The following RAB5A variants were observed in gnomAD, a reference collection of about 807,000 sequenced individuals.
RAB5A encodes the protein ras-related protein Rab-5A.
Under a neutral mutation model 25.7 loss-of-function variants are expected in RAB5A, and 8 were observed. That is an observed-to-expected ratio of 0.31 (90% CI 0.18 to 0.56). RAB5A has a LOEUF of 0.56. Among genes scored for constraint, RAB5A ranks in the 20% least tolerant of loss-of-function variants. The probability of loss-of-function intolerance (pLI) is 0.91; values close to 1 mark genes in which losing one functional copy is unlikely to be tolerated. For synonymous variants in RAB5A, 98 were observed against 89.8 expected, an observed-to-expected ratio of 1.09 and a Z score of -0.52; for missense variants, 192 against 259.7, an observed-to-expected ratio of 0.74 and a Z score of 1.79.
At chr3:19,958,543 C>T (rs1559487044) in intron 2 of RAB5A, among the ~76,000 whole-genome samples, 1 of 152,116 alleles carries the variant, frequency 6.6e-6, no homozygotes, top group East Asian at 1.9e-4. Context: ...GTATTGAACT[C>T]TAGGTAAGGA....
chr3:19,960,945 T>G (rs1157939143), intron 2 of RAB5A, among the ~76,000 whole-genome samples: 1 of 152,222 alleles, frequency 6.6e-6, no homozygotes, highest in Non-Finnish European at 1.5e-5. Flanking sequence ...TCAGACACCT[T>G]CAGCTTTTCT....
At chr3:19,963,845 C>T (rs1575071229) in intron 2 of RAB5A, among the ~76,000 whole-genome samples, 2 of 152,214 alleles carry the variant, frequency 1.3e-5, no homozygotes, top group Non-Finnish European at 1.5e-5. Context: ...TGCTATGTTG[C>T]CCAGGCTGGT....
Position 19,983,847 on chromosome 3 carries a change from A to G in RAB5A, c.*24A>G, listed in dbSNP as rs772325573. The G allele has an allele frequency of 1.4e-5, 20 of 1,436,926 alleles. No homozygotes were observed. Among genetic ancestry groups the G allele is most frequent in the Non-Finnish European group, 1.9e-5 (19 of 1,025,886 alleles). 89.0% of individuals were successfully genotyped at this position (1,436,926 alleles called of 1,614,324 possible). On this transcript the variant is annotated 3_prime_UTR_variant, in exon 6 of 6. Transcript: ENST00000273047. ...AAACCTCTAGTTTGAACTAGCTGGA[A>G]TAGTCTTCTGCTTCCTAAATGTTAA...
intron 2 of RAB5A, among the ~76,000 whole-genome samples, chr3:19,961,063 C>T (rs1415130858): frequency 6.6e-6 from 1 of 152,150 alleles, no homozygotes; most frequent in Non-Finnish European, 1.5e-5. Flanking sequence ...ATTTTCTCCT[C>T]TATTGCATTC....
chr3:19,955,057 T>C (rs1022125304), intron 2 of RAB5A, among the ~76,000 whole-genome samples: 4 of 152,162 alleles, frequency 2.6e-5, no homozygotes, highest in Non-Finnish European at 5.9e-5. Flanking sequence ...TGGTACTGCA[T>C]CTCTAGGCTT....
At chr3:19,955,019 G>T (rs1696479658) in intron 2 of RAB5A, among the ~76,000 whole-genome samples, 2 of 152,148 alleles carry the variant, frequency 1.3e-5, no homozygotes, top group African/African-American at 4.8e-5. Flanking sequence ...GGAGCAGTAG[G>T]CTCAGAGAGT....
chr3:19,975,448 C>T (rs1379467830), intron 2 of RAB5A, 153 bp from the exon 3 acceptor site: 4 of 626,838 alleles, frequency 6.4e-6, no homozygotes, highest in African/African-American at 3.8e-5. Context: ...TTTTTTTCCC[C>T]CCTCATTTAT....
intron 2 of RAB5A, among the ~76,000 whole-genome samples, chr3:19,958,606 G>A (rs1056538759): frequency 1.3e-5 from 2 of 152,200 alleles, no homozygotes; most frequent in African/African-American, 4.8e-5. Context: ...CACTTTGGAA[G>A]GCCGAGGCAG....
intron 5 of RAB5A, among the ~76,000 whole-genome samples, chr3:19,979,402 G>A (rs1374915674): frequency 6.6e-6 from 1 of 151,320 alleles, no homozygotes; most frequent in Non-Finnish European, 1.5e-5. Context: ...TCCTGCCTCA[G>A]CCTCTCCTGT....
chr3:19,951,178 A>G, intron 2 of RAB5A, 117 bp downstream of exon 2: 5 of 1,169,238 alleles, frequency 4.3e-6, no homozygotes, highest in Non-Finnish European at 5.9e-6. Context: ...TGAAGAAAAG[A>G]GCTGTTCAGC....
Position 19,979,905 on chromosome 3 carries a change from C to G in RAB5A, c.532+1502C>G, listed in dbSNP as rs542718871. On this transcript the variant is annotated intron_variant, in intron 5 of 5. Transcript: ENST00000273047. Reference sequence around the variant, plus strand: ...GTCCTAACCCCAAGTAAGAAATATTCTTAAATTGAACTCATAAATAGTTAA... The same window carrying G: ...GTCCTAACCCCAAGTAAGAAATATTGTTAAATTGAACTCATAAATAGTTAA... 4 of 152,200 alleles carry G rather than the reference C, an allele frequency of 2.6e-5. No homozygotes were observed. The South Asian group carries it at 8.3e-4, about 32-fold the overall frequency. The allele number at this position is 152,200 out of a possible 1,614,324, so 9.4% of individuals were successfully genotyped here. A position where few individuals can be genotyped will look rare whatever the true frequency, so the allele number is the denominator to read the frequency against.
chr3:19,949,078 A>C (rs528396500), intron 1 of RAB5A, among the ~76,000 whole-genome samples: 1 of 152,218 alleles, frequency 6.6e-6, no homozygotes, highest in Non-Finnish European at 1.5e-5. Flanking sequence ...GAAACTTGGA[A>C]ATTAAAGAGT....
At chr3:19,959,659 G>T (rs1356466077) in intron 2 of RAB5A, among the ~76,000 whole-genome samples, 5 of 132,024 alleles carry the variant, frequency 3.8e-5, no homozygotes, top group Non-Finnish European at 6.3e-5. Context: ...GCAGGGTCTT[G>T]CTCTGTTGCC....
At chr3:19,963,377 C>G (rs111377065) in intron 2 of RAB5A, among the ~76,000 whole-genome samples, 1 of 81,404 alleles carries the variant, frequency 1.2e-5, no homozygotes, top group African/African-American at 6.9e-5. Context: ...CCCCCCCCCC[C>G]CGACTTATTT....
chr3:19,983,421 G>T (rs1404805043), intron 5 of RAB5A, among the ~76,000 whole-genome samples: 4 of 151,608 alleles, frequency 2.6e-5, no homozygotes, highest in Non-Finnish European at 2.9e-5. Flanking sequence ...GAGTGAATCG[G>T]TATAGAGAAT....
chr3:19,952,188 A>T (rs185096868), intron 2 of RAB5A, among the ~76,000 whole-genome samples: 3 of 152,298 alleles, frequency 2.0e-5, no homozygotes, highest in African/African-American at 7.2e-5. Flanking sequence ...CTTAAAAAAA[A>T]TTGACTTTAA....
intron 2 of RAB5A, among the ~76,000 whole-genome samples, chr3:19,951,701 GT>G (rs61250458): frequency 0.16 from 15,396 of 99,078 alleles, 1,268 homozygotes; most frequent in Middle Eastern, 0.32. Flanking sequence ...TGCCAGGCAA[GT>G]TTTTTTTTTT....
intron 2 of RAB5A, among the ~76,000 whole-genome samples, chr3:19,955,726 G>C (rs1018609705): frequency 6.6e-6 from 1 of 151,870 alleles, no homozygotes; most frequent in Middle Eastern, 3.2e-3. Context: ...CCCTGTCTCT[G>C]CTAAAAATAC....
chr3:19,951,732 C>CT (rs1297008560), intron 2 of RAB5A, among the ~76,000 whole-genome samples: 1 of 59,482 alleles, frequency 1.7e-5, no homozygotes, highest in Non-Finnish European at 3.6e-5. Context: ...GAGTCAGAGT[C>CT]TCGCTGTGTT....
Sources: allele counts gnomAD v4.1 joint callset (sites outside exome capture counted in the v4.1 genomes callset), GRCh38; gene constraint gnomAD v4.1.1; transcripts MANE v1.5; gene names NCBI Gene and HGNC (gene_info 2026-07-23, HGNC 2026-07-21).